Variants in PCDH15 observed in about 807,000 individuals in gnomAD.
PCDH15 encodes the protein protocadherin related 15.
A neutral mutation model predicts 178.5 loss-of-function variants in PCDH15; 129 were observed. That is an observed-to-expected ratio of 0.72 (90% CI 0.63 to 0.84). The LOEUF (loss-of-function observed/expected upper bound fraction) is 0.84, where lower values mean the gene tolerates loss of function less well. Ranked by LOEUF, PCDH15 falls within the 40% of genes least tolerant of loss-of-function variation. PCDH15 has a pLI of 0.00. For missense variants in PCDH15, 2,230 were observed against 2,099.9 expected (o/e 1.06, Z -1.21); for synonymous variants, 800 against 732.0 (o/e 1.09, Z -1.50).
intron 2 of PCDH15, among the ~76,000 whole-genome samples, chr10:55,087,139 T>A (rs949822371): frequency 6.6e-6 from 1 of 152,150 alleles, no homozygotes; most frequent in Non-Finnish European, 1.5e-5. Context: ...AATATACTTG[T>A]TAAAAGAATG....
chr10:55,544,135 CATACAT>C (rs1242920001), intron 2 of PCDH15, among the ~76,000 whole-genome samples: 1,602 of 96,116 alleles, frequency 0.017, 29 homozygotes, highest in East Asian at 0.065. Context: ...AAATCTTATA[CATACAT>C]ATATATATAT....
chr10:54,460,435 G>C (rs939514155), intron 3 of PCDH15, among the ~76,000 whole-genome samples: 1 of 151,932 alleles, frequency 6.6e-6, no homozygotes, highest in Non-Finnish European at 1.5e-5. Context: ...GTTTTAAAAC[G>C]TCATTTCAGA....
chr10:55,623,777 C>A (rs771113893), intron 2 of PCDH15, among the ~76,000 whole-genome samples: 1 of 150,912 alleles, frequency 6.6e-6, no homozygotes, highest in Non-Finnish European at 1.5e-5. Flanking sequence ...TAAATGGGCA[C>A]TAACACCTTC....
At chr10:54,375,880 AATAT>A (rs35626392) in intron 4 of PCDH15, among the ~76,000 whole-genome samples, 4 of 129,596 alleles carry the variant, frequency 3.1e-5, no homozygotes, top group Non-Finnish European at 4.9e-5. Flanking sequence ...TTTGAAACGG[AATAT>A]ATATATATAT....
intron 3 of PCDH15, among the ~76,000 whole-genome samples, chr10:54,886,565 C>T (rs1001546366): frequency 6.6e-6 from 1 of 152,182 alleles, no homozygotes; most frequent in Non-Finnish European, 1.5e-5. Flanking sequence ...AGTTTGAGAC[C>T]AGCCTGGCCA....
intron 1 of PCDH15, among the ~76,000 whole-genome samples, chr10:54,696,805 C>T (rs531412379): frequency 2.0e-5 from 3 of 152,138 alleles, no homozygotes; most frequent in Non-Finnish European, 4.4e-5. Flanking sequence ...CATAGCTATC[C>T]TGAAAACTTT....
chr10:54,784,831 T>C (rs7088338), intron 1 of PCDH15, among the ~76,000 whole-genome samples: 1 of 152,076 alleles, frequency 6.6e-6, no homozygotes, highest in African/African-American at 2.4e-5. Flanking sequence ...TACATGCTGG[T>C]TTTGGTCTTG....
At chr10:53,827,119 T>C (rs2076732076) in intron 32 of PCDH15, among the ~76,000 whole-genome samples, 1 of 152,048 alleles carries the variant, frequency 6.6e-6, no homozygotes, top group Admixed American at 6.6e-5. Flanking sequence ...ATTGAGATAT[T>C]AAATATTATA....
intron 4 of PCDH15, among the ~76,000 whole-genome samples, chr10:54,373,592 T>C (rs1235861860): frequency 6.6e-6 from 1 of 152,032 alleles, no homozygotes; most frequent in Non-Finnish European, 1.5e-5. Flanking sequence ...CACAGTGAAT[T>C]ATTAAGGACA....
chr10:54,818,908 CT>C (rs1309457348), intron 3 of PCDH15, among the ~76,000 whole-genome samples: 1 of 151,822 alleles, frequency 6.6e-6, no homozygotes, highest in Admixed American at 6.6e-5. Context: ...AATATAAATT[CT>C]TTTTACATGT....
In PCDH15 at chr10:54,065,593, A is replaced by G. The variant is rs78223260; in HGVS notation, c.2220+1164T>C. 7.7e-3 allele frequency among the ~76,000 whole-genome samples: 1,173 copies of G among 152,312 alleles called. 20 individuals are homozygous for G. Among genetic ancestry groups the G allele is most frequent in the African/African-American group, 0.026 (1,097 of 41,560 alleles). ...AGACCAGTTGGCATTTTATAACATC[A>G]CAATGACCAAGATTATCCCCTATGT... On this transcript the variant is annotated intron_variant, in intron 18 of 37. Transcript: ENST00000644397.
chr10:54,829,679 G>A (rs531506203), intron 3 of PCDH15, among the ~76,000 whole-genome samples: 1 of 151,944 alleles, frequency 6.6e-6, no homozygotes, highest in Non-Finnish European at 1.5e-5. Context: ...TTCCTCACTA[G>A]GCTTCCATGT....
chr10:54,480,431 G>A (rs1025881591), intron 3 of PCDH15, among the ~76,000 whole-genome samples: 4 of 151,924 alleles, frequency 2.6e-5, no homozygotes, highest in Non-Finnish European at 5.9e-5. Flanking sequence ...GTGAGACTGT[G>A]GGACTTTAGC....
At chr10:53,812,373 A>G (rs897938811) in intron 35 of PCDH15, among the ~76,000 whole-genome samples, 3 of 134,280 alleles carry the variant, frequency 2.2e-5, no homozygotes, top group African/African-American at 8.3e-5. Flanking sequence ...ACGCCCGTCT[A>G]AATTTTTGTA....
chr10:55,375,637 T>A (rs1467439653), intron 2 of PCDH15, among the ~76,000 whole-genome samples: 1 of 152,102 alleles, frequency 6.6e-6, no homozygotes, highest in African/African-American at 2.4e-5. Context: ...ATTGCTTGCA[T>A]CTGATATCTT....
At chr10:54,243,144 A>G (rs2131941118) in intron 8 of PCDH15, among the ~76,000 whole-genome samples, 1 of 152,310 alleles carries the variant, frequency 6.6e-6, no homozygotes, top group Admixed American at 6.5e-5. Context: ...CTTTACATTT[A>G]AGTAGGTGCT....
chr10:55,268,639 A>C (rs1346436625), intron 1 of PCDH15, among the ~76,000 whole-genome samples: 2 of 152,178 alleles, frequency 1.3e-5, no homozygotes, highest in Admixed American at 6.5e-5. Context: ...TAAAACAAAC[A>C]TAAAACAAAT....
intron 2 of PCDH15, among the ~76,000 whole-genome samples, chr10:54,531,195 C>T (rs2083884376): frequency 2.0e-5 from 3 of 152,088 alleles, no homozygotes; most frequent in Admixed American, 2.0e-4. Flanking sequence ...TAATTTCACC[C>T]TTGACTGTCC....
chr10:54,828,862 A>AT, intron 3 of PCDH15, among the ~76,000 whole-genome samples: 1 of 152,116 alleles, frequency 6.6e-6, no homozygotes, highest in Middle Eastern at 3.4e-3. Flanking sequence ...TATTTTAGAT[A>AT]AGGAGGTTAG....
Sources: allele counts gnomAD v4.1 joint callset (sites outside exome capture counted in the v4.1 genomes callset), GRCh38; gene constraint gnomAD v4.1.1; transcripts MANE v1.5; gene names NCBI Gene and HGNC (gene_info 2026-07-23, HGNC 2026-07-21).